Variants in MAP4K3 observed in about 807,000 individuals in gnomAD.
MAP4K3 encodes the protein MAPK/ERK kinase kinase kinase 3.
Under a neutral mutation model 143.5 loss-of-function variants are expected in MAP4K3, and 94 were observed. The observed-to-expected ratio is 0.65, with a 90% confidence interval of 0.55 to 0.78. The LOEUF (loss-of-function observed/expected upper bound fraction) is 0.78. Ranked by LOEUF, MAP4K3 falls within the 30% of genes least tolerant of loss-of-function variation. The pLI is 0.00. For synonymous variants in MAP4K3, 416 were observed against 347.2 expected (o/e 1.20, Z -2.20); for missense variants, 1,077 against 1,068.1 (o/e 1.01, Z -0.12).
At chr2:39,368,082 G>A (rs1425709336) in intron 2 of MAP4K3, among the ~76,000 whole-genome samples, 1 of 152,068 alleles carries the variant, frequency 6.6e-6, no homozygotes, top group Non-Finnish European at 1.5e-5. Context: ...TACCCGAGTG[G>A]TTCTGATGGA....
intron 16 of MAP4K3, among the ~76,000 whole-genome samples, chr2:39,298,764 G>C (rs1385508793): frequency 6.6e-6 from 1 of 151,970 alleles, no homozygotes; most frequent in Admixed American, 6.6e-5. Context: ...CCAGGAGTTC[G>C]AGACCAGCCT....
At chr2:39,376,972 C>A (rs1666235432) in intron 2 of MAP4K3, among the ~76,000 whole-genome samples, 1 of 152,098 alleles carries the variant, frequency 6.6e-6, no homozygotes, top group African/African-American at 2.4e-5. Context: ...AATATAACGA[C>A]TACATAAAAT....
Position 39,272,834 on chromosome 2 carries a change from A to G in MAP4K3, c.1795-292T>C, listed in dbSNP as rs545802972. Among the ~76,000 whole-genome samples the G allele has an allele frequency of 9.5e-4, 144 of 152,290 alleles. 1 individual carries two copies. The highest frequency in any genetic ancestry group is 3.1e-3 in the African/African-American group (129 of 41,574). ...ACCCCAAACTATGCAGGGAATAACA[A>G]CATTTTCAAACAACATCTATTCCTT... is the stretch of plus-strand genomic sequence containing the variant. On this transcript the variant is annotated intron_variant, in intron 24 of 33. Coordinates refer to ENST00000263881, the MANE Select transcript of MAP4K3 (RefSeq NM_003618.4).
intron 1 of MAP4K3, among the ~76,000 whole-genome samples, chr2:39,429,236 T>C (rs761820454): frequency 5.9e-5 from 9 of 152,156 alleles, no homozygotes; most frequent in African/African-American, 1.2e-4. Context: ...TCCACAATTA[T>C]GTTTCACTGC....
chr2:39,391,378 A>AAAAAAAAAAAAAG (rs1553423384), intron 1 of MAP4K3, among the ~76,000 whole-genome samples: 1 of 147,018 alleles, frequency 6.8e-6, no homozygotes, highest in Non-Finnish European at 1.5e-5. Context: ...AAAAAAAAAA[A>AAAAAAAAAAAAAG]AAAGAAAGAA....
chr2:39,352,726 G>A (rs1665495018), intron 3 of MAP4K3, among the ~76,000 whole-genome samples: 1 of 152,114 alleles, frequency 6.6e-6, no homozygotes, highest in African/African-American at 2.4e-5. Context: ...TTCTTCATAA[G>A]CGAGCACAGC....
intron 21 of MAP4K3, 74 bp downstream of exon 21, chr2:39,286,778 T>C: frequency 5.2e-6 from 4 of 762,902 alleles, no homozygotes; most frequent in Non-Finnish European, 8.1e-6. Context: ...GTGTCACTAA[T>C]TGTAAGCATA....
At chr2:39,302,053 A>C (rs1348007319) in intron 15 of MAP4K3, among the ~76,000 whole-genome samples, 1 of 151,978 alleles carries the variant, frequency 6.6e-6, no homozygotes, top group Non-Finnish European at 1.5e-5. Context: ...ATTAAAAAAA[A>C]ATAAAGAAAA....
At chr2:39,337,140 G>T (rs1664991947) in intron 5 of MAP4K3, among the ~76,000 whole-genome samples, 173 bp from the exon 6 acceptor site, 1 of 151,842 alleles carries the variant, frequency 6.6e-6, no homozygotes, top group Non-Finnish European at 1.5e-5. Flanking sequence ...TCAAGAAAAT[G>T]ACTAATTTTT....
chr2:39,374,316 C>T (rs923104359), intron 2 of MAP4K3, among the ~76,000 whole-genome samples: 1 of 151,956 alleles, frequency 6.6e-6, no homozygotes, highest in Non-Finnish European at 1.5e-5. Flanking sequence ...TGCAGTGAGC[C>T]AAGATCACAC....
chr2:39,406,101 T>G (rs188057702), intron 1 of MAP4K3, among the ~76,000 whole-genome samples: 45 of 152,040 alleles, frequency 3.0e-4, no homozygotes, highest in African/African-American at 1.0e-3. Context: ...ACAGACATAC[T>G]GAAGAGCACA....
chr2:39,354,633 G>T (rs1344092938), intron 3 of MAP4K3, among the ~76,000 whole-genome samples: 1 of 151,684 alleles, frequency 6.6e-6, no homozygotes, highest in Admixed American at 6.6e-5. Flanking sequence ...CTGCACTCCA[G>T]CCTGGGCAAC....
At chr2:39,279,429 A>C (rs899318984) in intron 23 of MAP4K3, among the ~76,000 whole-genome samples, 2 of 152,140 alleles carry the variant, frequency 1.3e-5, no homozygotes, top group Non-Finnish European at 2.9e-5. Context: ...ATATTTAATG[A>C]GTGTATGTGT....
At chr2:39,289,084 TATC>T (rs968010427) in intron 19 of MAP4K3, among the ~76,000 whole-genome samples, 1 of 152,018 alleles carries the variant, frequency 6.6e-6, no homozygotes, top group Non-Finnish European at 1.5e-5. Flanking sequence ...CAAAAAACGT[TATC>T]ATGTTGGAGA....
intron 1 of MAP4K3, among the ~76,000 whole-genome samples, chr2:39,396,164 AGCAGTTGGAACTACAG>A (rs899460044): frequency 7.9e-5 from 12 of 152,136 alleles, no homozygotes; most frequent in African/African-American, 2.9e-4. Flanking sequence ...CGGACTCCGG[AGCAGTTGGAACTACAG>A]GCATGCACCA....
chr2:39,296,214 C>T (rs1682276172), intron 16 of MAP4K3, among the ~76,000 whole-genome samples: 1 of 152,072 alleles, frequency 6.6e-6, no homozygotes, highest in African/African-American at 2.4e-5. Context: ...TTAATACGGT[C>T]TTAATGAAAA....
chr2:39,354,887 C>A (rs1665562713), intron 3 of MAP4K3, among the ~76,000 whole-genome samples: 1 of 152,056 alleles, frequency 6.6e-6, no homozygotes, highest in African/African-American at 2.4e-5. Context: ...TGGGAACCTG[C>A]AATAAGTTAC....
rs78376739 is a variant in MAP4K3, at chr2:39,363,299, T to C, written c.155-6960A>G. Among the ~76,000 whole-genome samples the C allele has an allele frequency of 1.7e-3, 259 of 152,218 alleles. 6 individuals are homozygous for C. The East Asian group carries it at 0.024, about 14-fold the overall frequency. On this transcript the variant is annotated intron_variant, in intron 2 of 33. Coordinates refer to ENST00000263881, the MANE Select transcript of MAP4K3 (RefSeq NM_003618.4). ...AATGTAAGAAAATATTTGCAAACCA[T>C]ATATCTGATGAGGGGTTACTAGGCA...
chr2:39,315,882 G>A lies in MAP4K3; in HGVS notation c.919-494C>T, dbSNP rs75156720. ...TATTTTTCAATTTATGAATTTTTTT[G>A]AAATAATTTTTAAAAACTACACACA... On this transcript the variant is annotated intron_variant, in intron 12 of 33. Transcript: ENST00000263881. Among the ~76,000 whole-genome samples the A allele has an allele frequency of 1.7e-3, 258 of 152,078 alleles. 6 individuals carry two copies. In the East Asian group the frequency reaches 0.024, roughly 14 times the overall value.
Sources: gnomAD v4.1 joint callset for allele counts (sites outside exome capture counted in the v4.1 genomes callset) on GRCh38, gnomAD v4.1.1 for gene constraint, MANE v1.5 for transcripts, NCBI Gene and HGNC (gene_info 2026-07-23, HGNC 2026-07-21) for gene names.